The following TMEM132D variants were observed in gnomAD, a reference collection of about 807,000 sequenced individuals.
TMEM132D encodes the protein mature OL transmembrane protein.
TMEM132D carries 21 observed loss-of-function variants against 62.3 expected under a neutral mutation model. The ratio of observed to expected loss-of-function variants is 0.34; its 90% CI spans 0.24 to 0.49. The LOEUF (loss-of-function observed/expected upper bound fraction) is 0.49. TMEM132D is among the 20% of genes least tolerant of loss of function. The pLI is 0.99. For synonymous variants in TMEM132D, 621 were observed against 575.6 expected, an observed-to-expected ratio of 1.08 and a Z score of -1.13; for missense variants, 1,346 against 1,402.8, an observed-to-expected ratio of 0.96 and a Z score of 0.65.
chr12:129,612,314 C>G (rs976577964), intron 2 of TMEM132D, among the ~76,000 whole-genome samples: 1 of 152,202 alleles, frequency 6.6e-6, no homozygotes, highest in Non-Finnish European at 1.5e-5. Context: ...CCATCCTCCC[C>G]CTTGTCAACA....
intron 4 of TMEM132D, among the ~76,000 whole-genome samples, chr12:129,237,206 T>C (rs1466229498): frequency 6.6e-6 from 1 of 152,180 alleles, no homozygotes; most frequent in African/African-American, 2.4e-5. Context: ...AGTAGTTACC[T>C]CTTCTTCAAT....
At position 129,423,966 on chromosome 12, in the gene TMEM132D, A is replaced by C. The variant is rs114685819; in HGVS notation, c.1116-86149T>G. On this transcript the variant is annotated intron_variant, in intron 3 of 8. Transcript: ENST00000422113. Reference sequence around the variant, plus strand: ...CTGCCCAGGTAGCTTTGGCTGAGAAAATATTTGACATTTTTAGAAAATGAC... The same window carrying C: ...CTGCCCAGGTAGCTTTGGCTGAGAACATATTTGACATTTTTAGAAAATGAC... Among the ~76,000 whole-genome samples the C allele has an allele frequency of 5.0e-3, 758 of 152,284 alleles. 8 individuals are homozygous for C. The highest frequency in any genetic ancestry group is 0.018 in the African/African-American group (729 of 41,564).
At chr12:129,704,899 G>A (rs994510490) in intron 1 of TMEM132D, among the ~76,000 whole-genome samples, 11 of 151,482 alleles carry the variant, frequency 7.3e-5, no homozygotes, top group African/African-American at 2.7e-4. Flanking sequence ...AATGACTTCG[G>A]AGCTCACAAT....
intron 4 of TMEM132D, among the ~76,000 whole-genome samples, chr12:129,216,878 C>T (rs1287663214): frequency 6.6e-6 from 1 of 152,214 alleles, no homozygotes; most frequent in African/African-American, 2.4e-5. Context: ...ACCATCTTAA[C>T]TGATGCAACC....
At position 129,226,905 on chromosome 12, in the gene TMEM132D, C is replaced by T. The variant is rs573640617; in HGVS notation, c.1300-17242G>A. On this transcript the variant is annotated intron_variant, in intron 4 of 8. Transcript: ENST00000422113. ...CCCCTGCTGTCTGGGAATAAGGTCT[C>T]CTTCATTCTGAGCCGCCTGAAGAAA... Among the ~76,000 whole-genome samples the T allele has an allele frequency of 2.0e-5, 3 of 152,292 alleles. No homozygotes were observed. The East Asian group carries it at 5.8e-4, about 29-fold the overall frequency.
chr12:129,499,344 G>C (rs532074862), intron 3 of TMEM132D, among the ~76,000 whole-genome samples: 1 of 152,290 alleles, frequency 6.6e-6, no homozygotes, highest in African/African-American at 2.4e-5. Context: ...ACAGAAACTT[G>C]TTGAACCAGG....
chr12:129,682,033 T>C (rs1388173629), intron 2 of TMEM132D, among the ~76,000 whole-genome samples: 4 of 152,206 alleles, frequency 2.6e-5, no homozygotes, highest in Admixed American at 1.3e-4. Flanking sequence ...GAGTTAGGTG[T>C]TTCCCTGAGT....
chr12:129,420,109 G>A (rs562313144), intron 3 of TMEM132D, among the ~76,000 whole-genome samples: 2 of 152,072 alleles, frequency 1.3e-5, no homozygotes, highest in Non-Finnish European at 2.9e-5. Context: ...AGGAGGACCT[G>A]AGCCCACACC....
At chr12:129,261,533 C>A (rs57631949) in intron 4 of TMEM132D, among the ~76,000 whole-genome samples, 3,017 of 152,214 alleles carry the variant, frequency 0.02, 108 homozygotes, top group African/African-American at 0.069. Flanking sequence ...TTTATAAATT[C>A]CTGAGTCTTG....
intron 4 of TMEM132D, among the ~76,000 whole-genome samples, chr12:129,256,068 T>C (rs1172176851): frequency 6.6e-6 from 1 of 152,182 alleles, no homozygotes; most frequent in African/African-American, 2.4e-5. Flanking sequence ...GTCAGGGGCT[T>C]GACTTGTACT....
chr12:129,627,576 T>C (rs1226372058), intron 2 of TMEM132D, among the ~76,000 whole-genome samples: 1 of 152,160 alleles, frequency 6.6e-6, no homozygotes, highest in Non-Finnish European at 1.5e-5. Flanking sequence ...GAAACCTTTT[T>C]TTTAGAGAAT....
chr12:129,417,732 C>T (rs1048225297), intron 3 of TMEM132D, among the ~76,000 whole-genome samples: 8 of 152,118 alleles, frequency 5.3e-5, no homozygotes, highest in Non-Finnish European at 8.8e-5. Flanking sequence ...AGCTTCTGCA[C>T]AGCAAAAGAA....
At chr12:129,300,149 T>A (rs1335490494) in intron 4 of TMEM132D, among the ~76,000 whole-genome samples, 1 of 152,176 alleles carries the variant, frequency 6.6e-6, no homozygotes, top group Non-Finnish European at 1.5e-5. Flanking sequence ...CAAGTCATCG[T>A]AGAGGAGATG....
In TMEM132D at chr12:129,773,563, G is replaced by A. The variant is rs116516343; in HGVS notation, c.80-72865C>T. Reference sequence around the variant, plus strand: ...TGCAAAAACCCAGAGGGAGAGACAAGCTTCACTTCTCCCGAGAACAGAGAG... The same window carrying A: ...TGCAAAAACCCAGAGGGAGAGACAAACTTCACTTCTCCCGAGAACAGAGAG... On this transcript the variant is annotated intron_variant, in intron 1 of 8. Coordinates refer to ENST00000422113, the MANE Select transcript of TMEM132D (RefSeq NM_133448.3). Among the ~76,000 whole-genome samples, 277 of 152,282 alleles carry A rather than the reference G, an allele frequency of 1.8e-3. 2 individuals carry two copies. The highest frequency in any genetic ancestry group is 5.9e-3 in the African/African-American group (247 of 41,558).
At chr12:129,361,787 T>G (rs770218507) in intron 3 of TMEM132D, among the ~76,000 whole-genome samples, 1 of 152,190 alleles carries the variant, frequency 6.6e-6, no homozygotes, top group Non-Finnish European at 1.5e-5. Flanking sequence ...GATCCCCACA[T>G]AAAATGATTG....
intron 2 of TMEM132D, among the ~76,000 whole-genome samples, chr12:129,632,158 G>A (rs1879361547): frequency 1.3e-5 from 2 of 152,098 alleles, no homozygotes; most frequent in Admixed American, 6.6e-5. Context: ...TCATAATTAG[G>A]AATATAAGTT....
At chr12:129,148,568 C>T (rs560222834) in intron 5 of TMEM132D, among the ~76,000 whole-genome samples, 1 of 152,276 alleles carries the variant, frequency 6.6e-6, no homozygotes, top group East Asian at 1.9e-4. Flanking sequence ...CTGCAAAGGA[C>T]CACAGCCCTG....
intron 5 of TMEM132D, among the ~76,000 whole-genome samples, chr12:129,174,561 T>TA (rs1245796119): frequency 6.6e-6 from 1 of 152,188 alleles, no homozygotes; most frequent in Non-Finnish European, 1.5e-5. Flanking sequence ...GTCTTTATAG[T>TA]AAAATGATTT....
chr12:129,317,594 T>G (rs1435829725), intron 4 of TMEM132D, among the ~76,000 whole-genome samples: 1 of 152,222 alleles, frequency 6.6e-6, no homozygotes. Flanking sequence ...TCATCTTGAC[T>G]TTAGATAACC....
Sources: allele counts gnomAD v4.1 joint callset (sites outside exome capture counted in the v4.1 genomes callset), GRCh38; gene constraint gnomAD v4.1.1; transcripts MANE v1.5; gene names NCBI Gene and HGNC (gene_info 2026-07-23, HGNC 2026-07-21).